Variants in SEMA4D observed in about 807,000 individuals in gnomAD.
SEMA4D encodes semaphorin-4D.
SEMA4D carries 22 observed loss-of-function variants against 74.8 expected under a neutral mutation model. That is an observed-to-expected ratio of 0.29 (90% confidence interval 0.21 to 0.42). The LOEUF (loss-of-function observed/expected upper bound fraction) is 0.42. Ranked by LOEUF, SEMA4D falls within the 10% of genes least tolerant of loss-of-function variation. The pLI, the probability that SEMA4D is intolerant of heterozygous loss-of-function variation, is 1.00. For missense variants in SEMA4D, 937 were observed against 1,118.4 expected, an observed-to-expected ratio of 0.84 and a Z score of 2.31; for synonymous variants, 445 against 463.7, an observed-to-expected ratio of 0.96 and a Z score of 0.52.
At chr9:89,432,145 C>A (rs1849413564) in intron 2 of SEMA4D, among the ~76,000 whole-genome samples, 1 of 146,056 alleles carries the variant, frequency 6.8e-6, no homozygotes, top group African/African-American at 2.5e-5. Context: ...AATGGCCACT[C>A]AACCCTCTGC....
exon 19 of SEMA4D, chr9:89,362,382 CAG>C: frequency 1.2e-6 from 2 of 1,614,074 alleles, no homozygotes; most frequent in Non-Finnish European, 1.7e-6. Context: ...AGGTCGGTGT[CAG>C]GGACTCCTTC....
intron 1 of SEMA4D, among the ~76,000 whole-genome samples, chr9:89,462,970 G>GGAGGGGAGCGAGCGAGGT (rs1857665629): frequency 7.3e-6 from 1 of 137,632 alleles, no homozygotes; most frequent in Non-Finnish European, 1.6e-5. Flanking sequence ...GCGAGCGAGG[G>GGAGGGGAGCGAGCGAGGT]GAGGGGAGCG....
rs116341271 is a variant in SEMA4D at position 89,460,750 on chromosome 9, G to A, written c.-309-4797C>T. ...CTGAAGGTGAACCACACCCCTCACAGACACGGGCATCCTACAGGCCCAGGA... is the reference window on the plus strand; with the variant it reads ...CTGAAGGTGAACCACACCCCTCACAAACACGGGCATCCTACAGGCCCAGGA... On this transcript the variant is annotated intron_variant, in intron 1 of 15. Coordinates refer to ENST00000422704, the MANE Select transcript of SEMA4D (RefSeq NM_001371194.2). Among the ~76,000 whole-genome samples the A allele has an allele frequency of 7.1e-3, 1,082 of 152,346 alleles. 10 individuals carry two copies. Among genetic ancestry groups the A allele is most frequent in the African/African-American group, 0.024 (989 of 41,578 alleles).
chr9:89,405,241 C>T, intron 3 of SEMA4D, 110 bp downstream of exon 3: 1 of 881,148 alleles, frequency 1.1e-6, no homozygotes, highest in Non-Finnish European at 1.8e-6. Flanking sequence ...CCCGCCTCAG[C>T]ATTCCAGGAA....
At chr9:89,401,514 C>T (rs1019431160) in intron 4 of SEMA4D, among the ~76,000 whole-genome samples, 1 of 152,114 alleles carries the variant, frequency 6.6e-6, no homozygotes, top group Non-Finnish European at 1.5e-5. Flanking sequence ...GAAAACTAAC[C>T]CCACACCGCG....
chr9:89,486,813 A>G (rs1825234078), intron 1 of SEMA4D, among the ~76,000 whole-genome samples: 1 of 152,196 alleles, frequency 6.6e-6, no homozygotes, highest in African/African-American at 2.4e-5. Flanking sequence ...AGGCTGAGGC[A>G]GGAAGATCAC....
intron 2 of SEMA4D, among the ~76,000 whole-genome samples, chr9:89,447,180 A>G (rs1853120491): frequency 6.6e-6 from 1 of 152,140 alleles, no homozygotes; most frequent in African/African-American, 2.4e-5. Context: ...AGCATGGAAC[A>G]GGAGCAGGTT....
chr9:89,474,185 T>C (rs9410490), intron 1 of SEMA4D, among the ~76,000 whole-genome samples: 39,365 of 152,110 alleles, frequency 0.26, 5,226 homozygotes, highest in Middle Eastern at 0.34. Flanking sequence ...CCTCCAAAGA[T>C]GTCCAAATTC....
intron 2 of SEMA4D, among the ~76,000 whole-genome samples, chr9:89,422,257 T>A (rs928359370): frequency 6.6e-6 from 1 of 152,242 alleles, no homozygotes; most frequent in Non-Finnish European, 1.5e-5. Context: ...GGTGAATTCC[T>A]CATTCTAAGA....
chr9:89,444,425 C>G (rs1465878007), intron 2 of SEMA4D, among the ~76,000 whole-genome samples: 2 of 152,220 alleles, frequency 1.3e-5, no homozygotes, highest in African/African-American at 4.8e-5. Flanking sequence ...AGCACTTGCT[C>G]TGCAGCCGCT....
intron 1 of SEMA4D, among the ~76,000 whole-genome samples, chr9:89,475,441 C>G (rs1861516680): frequency 1.3e-5 from 2 of 152,236 alleles, no homozygotes; most frequent in Non-Finnish European, 2.9e-5. Context: ...ATGGGCTCAG[C>G]TCCCCACTCC....
chr9:89,445,956 T>C (rs1852729022), intron 2 of SEMA4D, among the ~76,000 whole-genome samples: 1 of 152,138 alleles, frequency 6.6e-6, no homozygotes, highest in Non-Finnish European at 1.5e-5. Context: ...CAGCAGGAGA[T>C]GAGACGAGAC....
At chr9:89,396,535 G>A (rs1841001700) in intron 6 of SEMA4D, among the ~76,000 whole-genome samples, 1 of 152,274 alleles carries the variant, frequency 6.6e-6, no homozygotes, top group Non-Finnish European at 1.5e-5. Context: ...ACTTAGAGGA[G>A]CCAAGTGGGC....
chr9:89,467,997 C>T (rs1288259410), intron 1 of SEMA4D, among the ~76,000 whole-genome samples: 1 of 146,246 alleles, frequency 6.8e-6, no homozygotes, highest in African/African-American at 2.5e-5. Context: ...TTACACAACC[C>T]TGCAGCAGAA....
rs772141618 is a variant in SEMA4D, at chr9:89,381,620, G to A, written c.1447-274C>T. 76 of 351,514 alleles carry A rather than the reference G, an allele frequency of 2.2e-4. No homozygotes were observed. Among genetic ancestry groups the A allele is most frequent in the Non-Finnish European group, 2.8e-4 (55 of 193,486 alleles). The allele number at this position is 351,514 out of a possible 1,614,324, so 21.8% of individuals were successfully genotyped here. A position where few individuals can be genotyped will look rare whatever the true frequency, so the allele number is the denominator to read the frequency against. On this transcript the variant is annotated intron_variant, in intron 13 of 15. Coordinates refer to ENST00000422704, the MANE Select transcript of SEMA4D (RefSeq NM_001371194.2). This position sits in a 1 kb window ranked among gnomAD's most constrained non-coding sequence, Gnocchi z 4.6. ...ACAGGTGCCTGCCCTCCAGCAAAGC[G>A]CTTCTCTGCACGTGTTTCTCTTAGC...
At chr9:89,440,572 T>A (rs1851478432) in intron 2 of SEMA4D, among the ~76,000 whole-genome samples, 1 of 152,056 alleles carries the variant, frequency 6.6e-6, no homozygotes. Context: ...CCCTTCTGGG[T>A]AAAGCGTCCC....
intron 1 of SEMA4D, among the ~76,000 whole-genome samples, chr9:89,476,536 TC>T (rs1029808219): frequency 6.6e-6 from 1 of 152,114 alleles, no homozygotes; most frequent in Non-Finnish European, 1.5e-5. Context: ...CAGGCTGACC[TC>T]CCCCAAGGAG....
Position 89,381,418 on chromosome 9 carries a change from A to G in SEMA4D, c.1447-72T>C, listed in dbSNP as rs1837033257. Reference sequence around the variant, plus strand: ...CCAGGAGCATGGCCTCTGCTTCTGCACCAGTGTGTGGGAAGCAGCCAGAGT... The same window carrying G: ...CCAGGAGCATGGCCTCTGCTTCTGCGCCAGTGTGTGGGAAGCAGCCAGAGT... On this transcript the variant is annotated intron_variant, in intron 13 of 15. Coordinates refer to ENST00000422704, the MANE Select transcript of SEMA4D (RefSeq NM_001371194.2). This position sits in a 1 kb window ranked among gnomAD's most constrained non-coding sequence, Gnocchi z 4.6. 3 of 1,379,656 alleles carry G rather than the reference A, an allele frequency of 2.2e-6. No homozygotes were observed. The highest frequency in any genetic ancestry group is 2.9e-6 in the Non-Finnish European group (3 of 1,037,238). The allele number at this position is 1,379,656 out of a possible 1,614,324, so 85.5% of individuals were successfully genotyped here.
intron 2 of SEMA4D, among the ~76,000 whole-genome samples, chr9:89,439,807 T>C (rs767358479): frequency 2.0e-5 from 3 of 152,188 alleles, no homozygotes; most frequent in Non-Finnish European, 4.4e-5. Flanking sequence ...ATTTTCTCTT[T>C]ACAAAAAAAG....
Sources: allele counts gnomAD v4.1 joint callset (sites outside exome capture counted in the v4.1 genomes callset), GRCh38; gene constraint gnomAD v4.1.1; non-coding constraint Gnocchi (gnomAD v3.1); transcripts MANE v1.5; gene names NCBI Gene and HGNC (gene_info 2026-07-23, HGNC 2026-07-21).